PRR16: variants seen among roughly 807,000 people sequenced by gnomAD.
The protein encoded by PRR16 is proline rich 16.
A neutral mutation model predicts 18.2 loss-of-function variants in PRR16; 6 were observed. The observed-to-expected ratio is 0.33, with a 90% CI of 0.18 to 0.65. The LOEUF (loss-of-function observed/expected upper bound fraction) is 0.65. Ranked by LOEUF, PRR16 falls within the 30% of genes least tolerant of loss-of-function variation. PRR16 has a pLI of 0.74. For synonymous variants in PRR16, 151 were observed against 147.8 expected, an observed-to-expected ratio of 1.02 and a Z score of -0.16; for missense variants, 412 against 376.6, an observed-to-expected ratio of 1.09 and a Z score of -0.78.
intron 1 of PRR16, among the ~76,000 whole-genome samples, chr5:120,507,344 C>G (rs1208975237): frequency 1.3e-5 from 2 of 151,994 alleles, no homozygotes; most frequent in African/African-American, 4.8e-5. Flanking sequence ...GGAATATGTA[C>G]ATGAAGTATT....
the PRR16 span, among the ~76,000 whole-genome samples, chr5:120,759,842 G>A: frequency 6.6e-6 from 1 of 152,086 alleles, no homozygotes; most frequent in Admixed American, 6.5e-5. Flanking sequence ...AAAAAGAACT[G>A]CATAAATACA....
the PRR16 span, among the ~76,000 whole-genome samples, chr5:120,771,662 G>T: frequency 6.6e-6 from 1 of 152,046 alleles, no homozygotes; most frequent in Non-Finnish European, 1.5e-5. Flanking sequence ...GTGAATGAGG[G>T]AGGGGAAGCA....
intron 1 of PRR16, among the ~76,000 whole-genome samples, chr5:120,683,431 G>A (rs1757030726): frequency 6.7e-6 from 1 of 149,958 alleles, no homozygotes; most frequent in Non-Finnish European, 1.5e-5. Flanking sequence ...GAACCTGGGA[G>A]ATGGAGGTTG....
chr5:120,628,227 A>T (rs562377049), intron 1 of PRR16, among the ~76,000 whole-genome samples: 1 of 152,124 alleles, frequency 6.6e-6, no homozygotes, highest in Non-Finnish European at 1.5e-5. Flanking sequence ...CAGTAAGGGA[A>T]CAAAGATGGG....
intron 1 of PRR16, among the ~76,000 whole-genome samples, chr5:120,672,339 C>T (rs1756638234): frequency 6.8e-6 from 1 of 148,026 alleles, no homozygotes; most frequent in Non-Finnish European, 1.5e-5. Context: ...TAAGAACCCA[C>T]AGGCAGGAAC....
At chr5:120,481,168 G>T (rs1455920679) in intron 1 of PRR16, 9 of 1,030,744 alleles carry the variant, frequency 8.7e-6, no homozygotes, top group Non-Finnish European at 1.2e-5. Context: ...TTTTTTTGGA[G>T]ATGAAGTCCC....
the PRR16 span, among the ~76,000 whole-genome samples, chr5:120,760,459 C>G: frequency 6.6e-6 from 1 of 152,046 alleles, no homozygotes; most frequent in Non-Finnish European, 1.5e-5. Context: ...TTCCAGGTAT[C>G]ATATTTTATT....
At chr5:120,733,389 A>G in the PRR16 span, among the ~76,000 whole-genome samples, 1 of 152,052 alleles carries the variant, frequency 6.6e-6, no homozygotes, top group Admixed American at 6.6e-5. Context: ...GCCTCAAGAA[A>G]TCCTCCCACT....
At chr5:120,679,846 G>T (rs1052142092) in intron 1 of PRR16, among the ~76,000 whole-genome samples, 10 of 152,072 alleles carry the variant, frequency 6.6e-5, no homozygotes, top group African/African-American at 2.4e-4. Context: ...TCTGAGTTGG[G>T]GGACAGAGAA....
chr5:120,662,424 TA>T (rs1756204650), intron 1 of PRR16, among the ~76,000 whole-genome samples: 1 of 152,136 alleles, frequency 6.6e-6, no homozygotes, highest in Non-Finnish European at 1.5e-5. Flanking sequence ...TCAGTAGTAC[TA>T]TTCTGGAACT....
chr5:120,661,506 C>G (rs1305669661), intron 1 of PRR16, among the ~76,000 whole-genome samples: 1 of 151,330 alleles, frequency 6.6e-6, no homozygotes, highest in Non-Finnish European at 1.5e-5. Context: ...CTTGAATACT[C>G]TTTTTTTTTC....
At chr5:120,651,464 C>G (rs1297024707) in intron 1 of PRR16, among the ~76,000 whole-genome samples, 1 of 152,046 alleles carries the variant, frequency 6.6e-6, no homozygotes, top group African/African-American at 2.4e-5. Flanking sequence ...GGTTTTAGGT[C>G]TAACATTTAA....
chr5:120,721,871 T>C, the PRR16 span, among the ~76,000 whole-genome samples: 1 of 152,054 alleles, frequency 6.6e-6, no homozygotes, highest in Non-Finnish European at 1.5e-5. Flanking sequence ...TATAAAATAC[T>C]AATAGTATTC....
chr5:120,527,612 G>A (rs1043616658), intron 1 of PRR16, among the ~76,000 whole-genome samples: 1 of 152,186 alleles, frequency 6.6e-6, no homozygotes, highest in Admixed American at 6.5e-5. Context: ...GATGTAGAGT[G>A]CAATTGGAAA....
intron 1 of PRR16, among the ~76,000 whole-genome samples, chr5:120,589,875 A>G (rs74615611): frequency 0.02 from 2,998 of 152,188 alleles, 96 homozygotes; most frequent in Admixed American, 0.08. Flanking sequence ...CCTTTGACCA[A>G]CTGATCAAAG....
At chr5:120,638,187 G>T (rs1352176754) in intron 1 of PRR16, among the ~76,000 whole-genome samples, 1 of 152,096 alleles carries the variant, frequency 6.6e-6, no homozygotes, top group Admixed American at 6.6e-5. Context: ...AGGAGGTCAG[G>T]TGTAGAATTT....
chr5:120,708,978 CTTTTTTTTTTTTTTTTTTTTTTTTTTTTT>C, the PRR16 span, among the ~76,000 whole-genome samples: 2 of 43,688 alleles, frequency 4.6e-5, no homozygotes, highest in African/African-American at 9.4e-5. Flanking sequence ...CTCTTTGGTA[CTTTTTTTTTTTTTTTTTTTTTTTTTTTTT>C]TTTTTTTTTT....
At chr5:120,760,233 T>C in the PRR16 span, among the ~76,000 whole-genome samples, 1 of 152,172 alleles carries the variant, frequency 6.6e-6, no homozygotes, top group Non-Finnish European at 1.5e-5. Flanking sequence ...GAATGAGCCA[T>C]GTTGTAATGG....
chr5:120,757,694 A>C, the PRR16 span, among the ~76,000 whole-genome samples: 1 of 152,116 alleles, frequency 6.6e-6, no homozygotes, highest in African/African-American at 2.4e-5. Context: ...ATAATAAAGT[A>C]ATAATTATAG....
Sources: allele counts gnomAD v4.1 joint callset (sites outside exome capture counted in the v4.1 genomes callset), GRCh38; gene constraint gnomAD v4.1.1; transcripts MANE v1.5; gene names NCBI Gene and HGNC (gene_info 2026-07-23, HGNC 2026-07-21).